Variants in STOX2 observed in about 807,000 individuals in gnomAD.
STOX2 encodes the protein storkhead-box protein 2.
In STOX2, 28 loss-of-function variants were observed where a neutral mutation model predicts 60.9. The observed-to-expected ratio is 0.46, with a 90% CI of 0.34 to 0.63. The LOEUF (loss-of-function observed/expected upper bound fraction) is 0.63, where lower values mean the gene tolerates loss of function less well. Ranked by LOEUF, STOX2 falls within the 30% of genes least tolerant of loss-of-function variation. The pLI is 0.01. For missense variants in STOX2, 1,024 were observed against 1,187.7 expected (o/e 0.86, Z 2.03); for synonymous variants, 472 against 463.9 (o/e 1.02, Z -0.22).
intron 3 of STOX2, among the ~76,000 whole-genome samples, chr4:184,012,904 T>A (rs376917172): frequency 1.3e-5 from 2 of 152,252 alleles, no homozygotes; most frequent in African/African-American, 4.8e-5. Flanking sequence ...CATTTTCCTG[T>A]TCTACTCTTT....
intron 1 of STOX2, among the ~76,000 whole-genome samples, chr4:183,838,311 T>C (rs1653872340): frequency 6.6e-6 from 1 of 151,142 alleles, no homozygotes. Context: ...ATTGAAATAC[T>C]TAAATAATTC....
At chr4:183,965,226 C>G (rs761862397) in intron 1 of STOX2, among the ~76,000 whole-genome samples, 1 of 152,156 alleles carries the variant, frequency 6.6e-6, no homozygotes, top group Non-Finnish European at 1.5e-5. Context: ...GATATTAGAA[C>G]GACATTTGAA....
chr4:184,000,583 C>A (rs1733545710), intron 1 of STOX2, among the ~76,000 whole-genome samples: 1 of 152,158 alleles, frequency 6.6e-6, no homozygotes, highest in Admixed American at 6.5e-5. Context: ...TACCTGTCCC[C>A]CTTCGCTTCT....
In STOX2 at chr4:183,818,967, T is replaced by A. The variant is rs377409496; in HGVS notation, c.364+20912T>A. On this transcript the variant is annotated intron_variant, in intron 1 of 2. Transcript: ENST00000513034. The stretch of plus-strand genomic sequence containing the variant: ...AGACTGGGCAGCGGGGCAGAGGGGC[T>A]CCTCACATCTCAGACGATGGGTGGC... 7.9e-5 allele frequency among the ~76,000 whole-genome samples: 12 copies of A among 151,436 alleles called. No homozygotes were observed. In the South Asian group the frequency reaches 2.3e-3, roughly 29 times the overall value.
At chr4:183,961,297 T>C (rs918018055) in intron 1 of STOX2, among the ~76,000 whole-genome samples, 1 of 152,164 alleles carries the variant, frequency 6.6e-6, no homozygotes, top group Non-Finnish European at 1.5e-5. Flanking sequence ...TTCATAAAAA[T>C]TTATAAGCCT....
At chr4:183,916,208 T>A (rs1741927603) in intron 1 of STOX2, among the ~76,000 whole-genome samples, 1 of 152,186 alleles carries the variant, frequency 6.6e-6, no homozygotes, top group Non-Finnish European at 1.5e-5. Context: ...TGGTGCCCCA[T>A]GTGCCTTGCT....
chr4:183,872,199 C>T (rs542516643), intron 1 of STOX2, among the ~76,000 whole-genome samples: 6 of 152,192 alleles, frequency 3.9e-5, no homozygotes, highest in African/African-American at 7.2e-5. Context: ...AGATTACAGG[C>T]GCCCACAATC....
chr4:183,972,136 G>A (rs1269036386), intron 1 of STOX2, among the ~76,000 whole-genome samples: 1 of 152,190 alleles, frequency 6.6e-6, no homozygotes, highest in Non-Finnish European at 1.5e-5. Context: ...GCGGCGTAGG[G>A]CTGGGCAGAC....
At chr4:183,955,815 C>T (rs368439081) in intron 1 of STOX2, among the ~76,000 whole-genome samples, 1 of 151,606 alleles carries the variant, frequency 6.6e-6, no homozygotes, top group Non-Finnish European at 1.5e-5. Context: ...TAAAGTGTTG[C>T]TTGGAAGTTC....
At chr4:183,999,393 C>T (rs1733487281) in intron 1 of STOX2, among the ~76,000 whole-genome samples, 1 of 152,180 alleles carries the variant, frequency 6.6e-6, no homozygotes, top group Non-Finnish European at 1.5e-5. Context: ...AGGCCCCAGA[C>T]ATTTGTGGCT....
intron 1 of STOX2, among the ~76,000 whole-genome samples, chr4:183,951,445 T>TC (rs1491237332): frequency 0.096 from 1,569 of 16,276 alleles, 19 homozygotes; most frequent in African/African-American, 0.23. Context: ...TCTCTCTCTC[T>TC]TTTTTTTTTT....
intron 1 of STOX2, among the ~76,000 whole-genome samples, chr4:183,883,019 T>C (rs1033172135): frequency 6.6e-6 from 1 of 152,212 alleles, no homozygotes; most frequent in Non-Finnish European, 1.5e-5. Context: ...TTTTTTTTTC[T>C]TTTTATCACG....
At chr4:183,925,367 G>C (rs1008867391) in intron 1 of STOX2, among the ~76,000 whole-genome samples, 4 of 152,084 alleles carry the variant, frequency 2.6e-5, no homozygotes, top group African/African-American at 9.7e-5. Flanking sequence ...TTTTTCGGTA[G>C]AGTTGGGGTC....
chr4:183,928,225 G>A (rs938121419), intron 1 of STOX2, among the ~76,000 whole-genome samples: 8 of 152,096 alleles, frequency 5.3e-5, no homozygotes, highest in Admixed American at 2.0e-4. Context: ...CCTCGGGGGG[G>A]GGCATTTTGT....
intron 1 of STOX2, among the ~76,000 whole-genome samples, chr4:183,886,622 G>A (rs1741090947): frequency 6.6e-6 from 1 of 152,220 alleles, no homozygotes; most frequent in African/African-American, 2.4e-5. Context: ...CAGCCAGACT[G>A]GAATTAAGCA....
At chr4:183,854,013 C>T (rs1025608892) in intron 1 of STOX2, among the ~76,000 whole-genome samples, 1 of 152,240 alleles carries the variant, frequency 6.6e-6, no homozygotes, top group African/African-American at 2.4e-5. Flanking sequence ...TTGCATGTCT[C>T]ATGTGGGATA....
intron 1 of STOX2, chr4:183,987,660 G>T (rs1040674329): frequency 1.3e-5 from 2 of 152,330 alleles, no homozygotes; most frequent in African/African-American, 2.4e-5. Flanking sequence ...CCTCGCAGCG[G>T]CAGAAGCCGC....
intron 1 of STOX2, among the ~76,000 whole-genome samples, chr4:183,866,180 C>G (rs1740562546): frequency 6.6e-6 from 1 of 152,046 alleles, no homozygotes; most frequent in Non-Finnish European, 1.5e-5. Context: ...CTTGTTGTCC[C>G]CCTTCAAGTG....
At chr4:183,833,325 A>G (rs1235319937) in intron 1 of STOX2, among the ~76,000 whole-genome samples, 1 of 152,106 alleles carries the variant, frequency 6.6e-6, no homozygotes, top group African/African-American at 2.4e-5. Flanking sequence ...ATCATCAAAG[A>G]ATGTCTAACT....
Sources: gnomAD v4.1 joint callset for allele counts (sites outside exome capture counted in the v4.1 genomes callset) on GRCh38, gnomAD v4.1.1 for gene constraint, MANE v1.5 for transcripts, NCBI Gene and HGNC (gene_info 2026-07-23, HGNC 2026-07-21) for gene names.